Variants in UCK2 observed in about 807,000 individuals in gnomAD.
UCK2 encodes the protein uridine-cytidine kinase 2.
Under a neutral mutation model 30.8 loss-of-function variants are expected in UCK2, and 6 were observed. The ratio of observed to expected loss-of-function variants is 0.19; its 90% CI spans 0.11 to 0.38. The LOEUF (loss-of-function observed/expected upper bound fraction) is 0.38, where lower values mean the gene tolerates loss of function less well. Ranked by LOEUF, UCK2 falls within the 10% of genes least tolerant of loss-of-function variation. UCK2 has a pLI of 1.00. For synonymous variants in UCK2, 125 were observed against 133.6 expected, an observed-to-expected ratio of 0.94 and a Z score of 0.45; for missense variants, 210 against 339.8, an observed-to-expected ratio of 0.62 and a Z score of 3.00.
At chr1:165,837,460 G>GTTTTTT (rs1038724177) in intron 1 of UCK2, among the ~76,000 whole-genome samples, 29 of 152,254 alleles carry the variant, frequency 1.9e-4, no homozygotes, top group African/African-American at 6.7e-4. Context: ...ATCTCAACTG[G>GTTTTTT]ATACCAGTTA....
chr1:165,856,111 C>G (rs1310571884), intron 1 of UCK2, among the ~76,000 whole-genome samples: 1 of 152,116 alleles, frequency 6.6e-6, no homozygotes, highest in Non-Finnish European at 1.5e-5. Flanking sequence ...TTTATCTTTT[C>G]TATATCTGTA....
At chr1:165,907,565 C>T (rs1647708595) in intron 6 of UCK2, 119 bp from the exon 7 acceptor site, 2 of 1,401,326 alleles carry the variant, frequency 1.4e-6, no homozygotes, top group Admixed American at 2.5e-5. Context: ...GTGGCAGAGC[C>T]ACTTCCCTGG....
At chr1:165,830,993 T>C (rs995347220) in intron 1 of UCK2, among the ~76,000 whole-genome samples, 4 of 152,164 alleles carry the variant, frequency 2.6e-5, no homozygotes. Flanking sequence ...GGTGCAGTGC[T>C]GCAGGTCTAG....
rs1344675717 is a variant in UCK2, at chr1:165,908,204, G to A, written c.*381G>A. The A allele has an allele frequency of 2.6e-5, 4 of 155,170 alleles. No individual in the cohort carries two copies. The highest frequency in any genetic ancestry group is 2.0e-4 in the South Asian group (1 of 5,034). The allele number at this position is 155,170 out of a possible 1,614,324, so 9.6% of individuals were successfully genotyped here. On this transcript the variant is annotated 3_prime_UTR_variant, in exon 7 of 7. Transcript: ENST00000367879. ...CTTGAGTGTTTTAGGACTGGAGCTG[G>A]AATTTCACCAAGGGGAAATTGCCTG...
At chr1:165,891,157 C>G (rs1655756140) in intron 2 of UCK2, 69 bp from the exon 3 acceptor site, 9 of 1,339,270 alleles carry the variant, frequency 6.7e-6, no homozygotes, top group Non-Finnish European at 9.5e-6. Flanking sequence ...TATGAGGATG[C>G]CTTGTGTATG....
At chr1:165,856,836 A>G (rs536168784) in intron 1 of UCK2, among the ~76,000 whole-genome samples, 1 of 151,954 alleles carries the variant, frequency 6.6e-6, no homozygotes, top group South Asian at 2.1e-4. Context: ...GTCAACTGGG[A>G]CAAGTATTCA....
At chr1:165,858,477 A>T (rs1654810210) in intron 1 of UCK2, among the ~76,000 whole-genome samples, 1 of 152,202 alleles carries the variant, frequency 6.6e-6, no homozygotes, top group Admixed American at 6.5e-5. Flanking sequence ...TGAACAAACA[A>T]GCAACCAGCT....
chr1:165,879,041 T>G (rs1655409512), intron 1 of UCK2, among the ~76,000 whole-genome samples: 1 of 152,204 alleles, frequency 6.6e-6, no homozygotes, highest in Admixed American at 6.5e-5. Flanking sequence ...CTTGTTTTAA[T>G]TTGCATTTCC....
At chr1:165,845,657 C>G (rs1282303096) in intron 1 of UCK2, among the ~76,000 whole-genome samples, 4 of 152,104 alleles carry the variant, frequency 2.6e-5, no homozygotes, top group African/African-American at 9.7e-5. Flanking sequence ...CTGCTGTTTT[C>G]TGTTTGTTTG....
Position 165,906,000 on chromosome 1 carries a change from A to G in UCK2, c.646+31A>G, listed in dbSNP as rs1647645156. 10 of 1,602,738 alleles carry G rather than the reference A, an allele frequency of 6.2e-6. No individual in the cohort carries two copies. The Admixed American group carries it at 6.7e-5, about 11-fold the overall frequency. ...TCCCTGCAGAGTGTCATCCTGGAGT[A>G]TAATGTCTGCCCTTTGTCAGTCATA... On this transcript the variant is annotated intron_variant, in intron 6 of 6. Coordinates refer to ENST00000367879, the MANE Select transcript of UCK2 (RefSeq NM_012474.5).
At chr1:165,880,554 GTT>G (rs372981833) in intron 1 of UCK2, among the ~76,000 whole-genome samples, 116 of 97,222 alleles carry the variant, frequency 1.2e-3, no homozygotes, top group African/African-American at 3.6e-3. Flanking sequence ...GATCCATTCA[GTT>G]TTTTTTGGGG....
chr1:165,882,855 T>C (rs1008211576), intron 1 of UCK2, among the ~76,000 whole-genome samples: 2 of 152,124 alleles, frequency 1.3e-5, no homozygotes, highest in African/African-American at 4.8e-5. Flanking sequence ...AGACACAGTC[T>C]CGCTCTGTCA....
At chr1:165,827,959 C>T (rs1437127836) in intron 1 of UCK2, 27 bp downstream of exon 1, 1 of 1,304,730 alleles carries the variant, frequency 7.7e-7, no homozygotes, top group South Asian at 2.4e-5. Flanking sequence ...AGCCGCGCTC[C>T]CTTCCCGGCT....
intron 1 of UCK2, among the ~76,000 whole-genome samples, chr1:165,882,078 C>A (rs868236030): frequency 6.6e-6 from 1 of 152,176 alleles, no homozygotes; most frequent in African/African-American, 2.4e-5. Context: ...CTGGGTACTA[C>A]TTTCTCTACG....
chr1:165,885,795 A>G (rs774126873), intron 1 of UCK2, among the ~76,000 whole-genome samples: 75 of 152,364 alleles, frequency 4.9e-4, no homozygotes, highest in South Asian at 8.3e-4. Flanking sequence ...TTCCCATCAC[A>G]TAAGCTTGTG....
intron 4 of UCK2, chr1:165,902,712 T>TGGGAGCTGGGAGCA (rs1199308528): frequency 7.0e-6 from 1 of 143,288 alleles, no homozygotes; most frequent in Admixed American, 7.6e-5. Context: ...GGGGCATGGG[T>TGGGAGCTGGGAGCA]GGGAGCTGGG....
intron 1 of UCK2, among the ~76,000 whole-genome samples, chr1:165,888,928 T>G (rs1371944595): frequency 6.6e-6 from 1 of 152,272 alleles, no homozygotes; most frequent in Non-Finnish European, 1.5e-5. Context: ...TCTCATTCTA[T>G]TGAATGCACT....
intron 3 of UCK2, among the ~76,000 whole-genome samples, chr1:165,895,250 C>G (rs1276703085): frequency 6.6e-6 from 1 of 152,028 alleles, no homozygotes; most frequent in African/African-American, 2.4e-5. Flanking sequence ...CCCGTTTCTA[C>G]CAAAAATACA....
chr1:165,872,364 C>T (rs573678564), intron 1 of UCK2, among the ~76,000 whole-genome samples: 16 of 152,172 alleles, frequency 1.1e-4, no homozygotes, highest in Non-Finnish European at 1.9e-4. Flanking sequence ...TGTGAGCCAC[C>T]ATGCCTGGCC....
Sources: allele counts gnomAD v4.1 joint callset (sites outside exome capture counted in the v4.1 genomes callset), GRCh38; gene constraint gnomAD v4.1.1; transcripts MANE v1.5; gene names NCBI Gene and HGNC (gene_info 2026-07-23, HGNC 2026-07-21).